The following CTNNA2 variants were observed in gnomAD, a reference collection of about 807,000 sequenced individuals.
CTNNA2 encodes catenin alpha 2, also known as catenin alpha-2.
A neutral mutation model predicts 101.0 loss-of-function variants in CTNNA2; 42 were observed. That is an observed-to-expected ratio of 0.42 (90% CI 0.32 to 0.54). The LOEUF is 0.54. Ranked by LOEUF, CTNNA2 falls within the 20% of genes least tolerant of loss-of-function variation. The probability of loss-of-function intolerance (pLI) is 0.14; values close to 1 mark genes in which losing one functional copy is unlikely to be tolerated. For synonymous variants in CTNNA2, 450 were observed against 456.4 expected (o/e 0.99, Z 0.18); for missense variants, 871 against 1,223.1 (o/e 0.71, Z 4.29).
intron 1 of CTNNA2, among the ~76,000 whole-genome samples, chr2:79,603,757 G>A (rs1031478145): frequency 3.3e-5 from 5 of 152,186 alleles, no homozygotes; most frequent in Non-Finnish European, 5.9e-5. Context: ...AAGACATAAA[G>A]TAAGGGCTAA....
intron 7 of CTNNA2, among the ~76,000 whole-genome samples, chr2:80,074,988 G>C (rs997606556): frequency 1.3e-5 from 2 of 152,108 alleles, no homozygotes; most frequent in Non-Finnish European, 2.9e-5. Flanking sequence ...CTGTGTACAT[G>C]AACATTTGAC....
intron 9 of CTNNA2, among the ~76,000 whole-genome samples, chr2:80,487,056 C>A (rs539112836): frequency 6.6e-6 from 1 of 152,094 alleles, no homozygotes; most frequent in East Asian, 1.9e-4. Context: ...GAGGTCGAGG[C>A]GGGTGGATCA....
intron 2 of CTNNA2, among the ~76,000 whole-genome samples, chr2:79,676,882 T>C (rs968234936): frequency 6.6e-6 from 1 of 152,168 alleles, no homozygotes; most frequent in Non-Finnish European, 1.5e-5. Context: ...CCTAGAGCTT[T>C]GCTTAGAAAA....
At chr2:79,370,071 G>A (rs554867839) in intron 3 of CTNNA2, among the ~76,000 whole-genome samples, 1 of 152,256 alleles carries the variant, frequency 6.6e-6, no homozygotes, top group South Asian at 2.1e-4. Context: ...ATGTTAAATA[G>A]AGGACAAGAT....
At chr2:80,419,691 T>C (rs1017859287) in intron 9 of CTNNA2, 90 bp downstream of exon 9, 2 of 1,332,162 alleles carry the variant, frequency 1.5e-6, no homozygotes, top group African/African-American at 2.9e-5. Context: ...AGATATTCTA[T>C]TGTATTTTTG....
intron 18 of CTNNA2, among the ~76,000 whole-genome samples, chr2:80,629,836 G>A (rs1012240692): frequency 6.6e-5 from 10 of 152,246 alleles, no homozygotes; most frequent in Non-Finnish European, 7.4e-5. Context: ...TGGAGTGGGT[G>A]GCAAAATTAC....
intron 7 of CTNNA2, among the ~76,000 whole-genome samples, chr2:79,972,726 T>A (rs1412741708): frequency 6.6e-6 from 1 of 152,156 alleles, no homozygotes. Flanking sequence ...GGGAAGTGGA[T>A]CTTCAGGTTT....
intron 1 of CTNNA2, among the ~76,000 whole-genome samples, chr2:79,631,581 A>T (rs1679698001): frequency 6.6e-6 from 1 of 152,160 alleles, no homozygotes; most frequent in Admixed American, 6.5e-5. Flanking sequence ...GGAGAATTTT[A>T]GGTGGTTTTG....
At chr2:80,590,205 C>T (rs926863480) in intron 15 of CTNNA2, among the ~76,000 whole-genome samples, 2 of 152,044 alleles carry the variant, frequency 1.3e-5, no homozygotes, top group African/African-American at 4.8e-5. Flanking sequence ...ATATCTCTGC[C>T]CTTTCAACAC....
intron 7 of CTNNA2, among the ~76,000 whole-genome samples, chr2:80,043,093 TTCTCTCTCTCTCTC>T (rs201701924): frequency 1.2e-4 from 4 of 32,708 alleles, no homozygotes; most frequent in Admixed American, 3.7e-4. Flanking sequence ...CTTTCTTTCT[TTCTCTCTCTCTCTC>T]TCTCTTTCTT....
In CTNNA2 at chr2:79,387,446, C is replaced by G. The variant is rs139398775; in HGVS notation, c.-135+13433C>G. On this transcript the variant is annotated intron_variant, in intron 4 of 21. Coordinates refer to the CTNNA2 transcript ENST00000466387. The stretch of plus-strand genomic sequence containing the variant: ...TGGGTCACATTTTCCCATATGGAAC[C>G]AGCGTGAAAGAAGAAAGAGCCAGAA... Among the ~76,000 whole-genome samples the G allele has an allele frequency of 1.5e-3, 232 of 152,268 alleles. 1 individual carries two copies. The Middle Eastern group carries it at 0.031, about 20-fold the overall frequency.
chr2:80,278,066 G>A (rs968887984), intron 7 of CTNNA2, among the ~76,000 whole-genome samples: 7 of 152,050 alleles, frequency 4.6e-5, no homozygotes, highest in African/African-American at 9.7e-5. Flanking sequence ...GACACCTGCC[G>A]TTGTCCAGGT....
intron 18 of CTNNA2, among the ~76,000 whole-genome samples, chr2:80,624,780 G>A (rs955298398): frequency 1.3e-5 from 2 of 152,042 alleles, no homozygotes; most frequent in Admixed American, 6.6e-5. Context: ...TCTAGAATCA[G>A]TTGACTGGTA....
chr2:80,011,371 T>C (rs1169173177), intron 7 of CTNNA2, among the ~76,000 whole-genome samples: 1 of 152,172 alleles, frequency 6.6e-6, no homozygotes, highest in Non-Finnish European at 1.5e-5. Flanking sequence ...GTTGCTCTAG[T>C]TGAAGTTGGA....
rs193110293 is a variant in CTNNA2 at position 80,260,420 on chromosome 2, C to A, written c.1057-132791C>A. 4.7e-4 allele frequency among the ~76,000 whole-genome samples: 72 copies of A among 152,282 alleles called. 2 individuals carry two copies. The highest frequency in any genetic ancestry group is 6.0e-4 in the Non-Finnish European group (41 of 68,022). On this transcript the variant is annotated intron_variant, in intron 7 of 18. Transcript: ENST00000402739. ...CATTTACTGGTATCTACAACTCTGTCTTTGCCTGGAGGGTCTGGGATGGTT... is the reference window on the plus strand; with the variant it reads ...CATTTACTGGTATCTACAACTCTGTATTTGCCTGGAGGGTCTGGGATGGTT...
intron 8 of CTNNA2, among the ~76,000 whole-genome samples, chr2:80,415,819 G>A (rs967964739): frequency 3.3e-5 from 5 of 152,062 alleles, no homozygotes; most frequent in African/African-American, 1.2e-4. Flanking sequence ...AATGTGATAG[G>A]CAGATAAATA....
At chr2:79,411,464 T>G (rs1235357785) in intron 4 of CTNNA2, among the ~76,000 whole-genome samples, 1 of 151,930 alleles carries the variant, frequency 6.6e-6, no homozygotes, top group African/African-American at 2.4e-5. Flanking sequence ...AAAGTCGAAA[T>G]GAAGGAAAAA....
In CTNNA2 at chr2:80,147,015, G is replaced by A. The variant is rs187673917; in HGVS notation, c.1056+237218G>A. ...GAGACTCCCTCTATCACCCAGGCTG[G>A]AGTGCAGTGGTGCAATCTCAGCTCA... On this transcript the variant is annotated intron_variant, in intron 7 of 18. Transcript: ENST00000402739. Among the ~76,000 whole-genome samples, 467 of 151,138 alleles carry A rather than the reference G, an allele frequency of 3.1e-3. 2 individuals carry two copies. Among genetic ancestry groups the A allele is most frequent in the Non-Finnish European group, 5.3e-3 (357 of 67,828 alleles).
At chr2:80,495,989 A>T (rs796287997) in intron 9 of CTNNA2, among the ~76,000 whole-genome samples, 11 of 149,426 alleles carry the variant, frequency 7.4e-5, no homozygotes, top group African/African-American at 2.7e-4. Context: ...GAAGACAGAG[A>T]CACATAGGGA....
Sources: allele counts gnomAD v4.1 joint callset (sites outside exome capture counted in the v4.1 genomes callset), GRCh38; gene constraint gnomAD v4.1.1; transcripts MANE v1.5; gene names NCBI Gene and HGNC (gene_info 2026-07-23, HGNC 2026-07-21).